The following GPC5 variants were observed in gnomAD, a reference collection of about 807,000 sequenced individuals.
GPC5 encodes glypican-5.
Under a neutral mutation model 53.9 loss-of-function variants are expected in GPC5, and 47 were observed. That is an observed-to-expected ratio of 0.87 (90% CI 0.69 to 1.11). The LOEUF is 1.11. Ranked by LOEUF, GPC5 falls within the 50% of genes most tolerant of loss-of-function variation. The pLI, the probability that GPC5 is intolerant of heterozygous loss-of-function variation, is 0.00. For synonymous variants in GPC5, 286 were observed against 263.3 expected (o/e 1.09, Z -0.84); for missense variants, 748 against 713.1 (o/e 1.05, Z -0.56).
chr13:91,993,933 T>C (rs887912639), intron 6 of GPC5, among the ~76,000 whole-genome samples: 2 of 152,162 alleles, frequency 1.3e-5, no homozygotes, highest in Non-Finnish European at 2.9e-5. Flanking sequence ...TACTCAGAGA[T>C]GTGCAGAGAA....
chr13:92,845,151 C>T (rs555404142), intron 7 of GPC5, among the ~76,000 whole-genome samples: 1 of 151,986 alleles, frequency 6.6e-6, no homozygotes, highest in Admixed American at 6.6e-5. Context: ...AAAAAAGATG[C>T]TTTATATGTG....
chr13:91,524,442 A>T (rs1415175570), intron 2 of GPC5, among the ~76,000 whole-genome samples: 1 of 152,110 alleles, frequency 6.6e-6, no homozygotes, highest in Admixed American at 6.6e-5. Context: ...ATATTTTTTT[A>T]AATTTAGATA....
At chr13:92,346,978 A>G (rs988682321) in intron 7 of GPC5, among the ~76,000 whole-genome samples, 9 of 152,164 alleles carry the variant, frequency 5.9e-5, no homozygotes, top group South Asian at 2.1e-4. Flanking sequence ...AAAATTTACA[A>G]TTATTCAATC....
At chr13:92,498,666 A>G (rs1443071108) in intron 7 of GPC5, among the ~76,000 whole-genome samples, 1 of 152,126 alleles carries the variant, frequency 6.6e-6, no homozygotes, top group African/African-American at 2.4e-5. Context: ...CCCTGCTCAT[A>G]TCTGACTAGC....
intron 1 of GPC5, among the ~76,000 whole-genome samples, chr13:91,415,422 A>G (rs1261759641): frequency 6.6e-6 from 1 of 152,090 alleles, no homozygotes; most frequent in East Asian, 1.9e-4. Flanking sequence ...AAGTAGGGCT[A>G]ATGTGCAGAC....
chr13:92,522,154 T>G (rs1881080702), intron 7 of GPC5, among the ~76,000 whole-genome samples: 1 of 152,160 alleles, frequency 6.6e-6, no homozygotes, highest in South Asian at 2.1e-4. Context: ...ATAGGAACAC[T>G]TTTATACTGT....
chr13:91,962,171 G>A (rs931631211), intron 6 of GPC5, among the ~76,000 whole-genome samples: 3 of 152,086 alleles, frequency 2.0e-5, no homozygotes, highest in African/African-American at 7.2e-5. Flanking sequence ...TGTTTTCTAT[G>A]GAGTAGTGGG....
intron 3 of GPC5, among the ~76,000 whole-genome samples, chr13:91,715,770 G>A (rs1315342357): frequency 7.5e-6 from 1 of 132,818 alleles, no homozygotes; most frequent in Non-Finnish European, 1.6e-5. Context: ...TTAAGATAGG[G>A]TCTCTCTCTC....
chr13:92,205,282 T>G (rs2042325786), intron 7 of GPC5, among the ~76,000 whole-genome samples: 1 of 151,904 alleles, frequency 6.6e-6, no homozygotes, highest in Admixed American at 6.6e-5. Flanking sequence ...AGACCTAGAG[T>G]TTTTATTAGG....
intron 5 of GPC5, among the ~76,000 whole-genome samples, chr13:91,882,477 C>T (rs905172889): frequency 3.3e-5 from 5 of 151,700 alleles, no homozygotes; most frequent in East Asian, 1.9e-4. Context: ...ATTATTTTTC[C>T]TTTGAATTCT....
intron 4 of GPC5, among the ~76,000 whole-genome samples, chr13:91,755,034 A>G (rs1439022034): frequency 6.6e-6 from 1 of 152,104 alleles, no homozygotes; most frequent in African/African-American, 2.4e-5. Context: ...TCTTTTTTAC[A>G]AATCAACTCC....
chr13:91,419,661 GGTAAACT>G (rs1324479669), intron 1 of GPC5, among the ~76,000 whole-genome samples: 1 of 152,132 alleles, frequency 6.6e-6, no homozygotes, highest in Non-Finnish European at 1.5e-5. Context: ...GCCAGGAAGA[GGTAAACT>G]GCAGAGGCAA....
intron 7 of GPC5, among the ~76,000 whole-genome samples, chr13:92,523,087 G>C (rs1881132701): frequency 6.6e-6 from 1 of 152,100 alleles, no homozygotes; most frequent in Admixed American, 6.6e-5. Context: ...GGATGTTATT[G>C]ATACAGTTAA....
At position 92,231,835 on chromosome 13, in the gene GPC5, G is replaced by C. The variant is rs568416504; in HGVS notation, c.1561+86846G>C. ...ACAAAAATTAGCTGGGCGTGGTGAT[G>C]GGCAGCTGTAATCCCAGCTGCTCGG... On this transcript the variant is annotated intron_variant, in intron 7 of 7. Transcript: ENST00000377067. Among the ~76,000 whole-genome samples, 9 of 152,124 alleles carry C rather than the reference G, an allele frequency of 5.9e-5. No individual in the cohort carries two copies. In the South Asian group the frequency reaches 1.9e-3, roughly 32 times the overall value.
At chr13:92,622,796 T>A (rs1884916948) in intron 7 of GPC5, among the ~76,000 whole-genome samples, 1 of 152,138 alleles carries the variant, frequency 6.6e-6, no homozygotes, top group African/African-American at 2.4e-5. Context: ...CTTATCAAAT[T>A]TAATGAGAAA....
At chr13:91,436,501 G>A (rs2139046897) in intron 1 of GPC5, among the ~76,000 whole-genome samples, 1 of 152,310 alleles carries the variant, frequency 6.6e-6, no homozygotes, top group East Asian at 1.9e-4. Context: ...GAGGTTTTGA[G>A]GGAGTTTCTT....
intron 6 of GPC5, among the ~76,000 whole-genome samples, chr13:92,104,659 A>G (rs1167480359): frequency 6.6e-6 from 1 of 152,112 alleles, no homozygotes; most frequent in African/African-American, 2.4e-5. Context: ...AGAGTGCTAA[A>G]AGGGAAAGGT....
chr13:92,571,164 G>T lies in GPC5; in HGVS notation c.1562-295118G>T, dbSNP rs1221854190. Among the ~76,000 whole-genome samples the T allele has an allele frequency of 2.0e-5, 3 of 152,234 alleles. No individual in the cohort carries two copies. In the East Asian group the frequency reaches 5.8e-4, roughly 29 times the overall value. ...TTTGTCCATTTCTGAAAATTTGGGA[G>T]GAGCATACAAACAGCTGAGGCAAGG... On this transcript the variant is annotated intron_variant, in intron 7 of 7. Transcript: ENST00000377067.
chr13:92,619,047 T>G (rs541019445), intron 7 of GPC5, among the ~76,000 whole-genome samples: 116 of 152,110 alleles, frequency 7.6e-4, no homozygotes, highest in African/African-American at 2.7e-3. Context: ...AATTGCAGAA[T>G]AATGAGCGTT....
Sources: allele counts gnomAD v4.1 joint callset (sites outside exome capture counted in the v4.1 genomes callset), GRCh38; gene constraint gnomAD v4.1.1; transcripts MANE v1.5; gene names NCBI Gene and HGNC (gene_info 2026-07-23, HGNC 2026-07-21).